Variants in OR9G1 observed in about 807,000 individuals in gnomAD.
The protein encoded by OR9G1 is olfactory receptor 9G1.
In OR9G1, 21 loss-of-function variants were observed where a neutral mutation model predicts 14.5. The ratio of observed to expected loss-of-function variants is 1.45; its 90% CI spans 1.03 to 2.09. The LOEUF is 2.09. Among genes scored for constraint, OR9G1 ranks in the 30% most tolerant of loss-of-function variants. OR9G1 has a pLI of 0.00. For synonymous variants in OR9G1, 179 were observed against 153.3 expected (o/e 1.17, Z -1.24); for missense variants, 476 against 364.2 (o/e 1.31, Z -2.50).
rs1186076100 is a variant in OR9G1, at chr11:56,703,809, C to G, written c.*2504C>G. 2 of 536 alleles carry G rather than the reference C, an allele frequency of 3.7e-3. No homozygotes were observed. The highest frequency in any genetic ancestry group is 0.011 in the Non-Finnish European group (2 of 188). The allele number at this position is 536 out of a possible 1,614,324, so 0.0% of individuals were successfully genotyped here. ...TGCCCATATATCCATATATTGTAAA[C>G]ATAGCTCGCTAAGTGCATATTCATA... On this transcript the variant is annotated 3_prime_UTR_variant, in exon 2 of 2. Coordinates refer to ENST00000642097, the MANE Select transcript of OR9G1 (RefSeq NM_001005213.2).
rs765551110 is a variant in OR9G1, at chr11:56,700,511, A to C, written c.124A>C (p.Ser42Arg). The C allele has an allele frequency of 1.9e-6, 3 of 1,614,318 alleles. No homozygotes were observed. In the East Asian group the frequency reaches 6.7e-5, roughly 36 times the overall value. ...GVYSLTVVGNSTLIVLICNDS... is the reference protein window; with the variant it reads ...GVYSLTVVGNRTLIVLICNDS... ...GTACTCTCTCACTGTGGTAGGAAAT[A>C]GCACCCTCATCGTGTTGATCTGTAA... The change falls in exon 2 of 2, where the codon AGC becomes CGC. Residue 42 changes from serine (S) to arginine (R), a missense_variant. Transcript: ENST00000642097.
chr11:56,700,418 T>A lies in OR9G1; in HGVS notation c.31T>A (p.Phe11Ile). 6 of 1,614,288 alleles carry A rather than the reference T, an allele frequency of 3.7e-6. No individual in the cohort carries two copies. The highest frequency in any genetic ancestry group is 5.1e-6 in the Non-Finnish European group (6 of 1,180,054). The change falls in exon 2 of 2, where the codon TTT (phenylalanine) becomes ATT (isoleucine). Residue 11 changes from phenylalanine to isoleucine, a missense_variant. Physicochemically the swap from Phe to Ile is conservative, Grantham distance 21. This residue lies in a region of OR9G1 where 89 missense variants were observed against 85.1 expected (regional missense o/e 1.05). Transcript: ENST00000642097. MQRSNHTVTE[F>I]ILLGFTTDPG... ...GAGGAGCAATCATACAGTGACTGAG[T>A]TTATACTGCTGGGCTTCACCACAGA... is the stretch of plus-strand genomic sequence containing the variant.
chr11:56,701,531 A>C lies in OR9G1; in HGVS notation c.*226A>C. 1.4e-6 allele frequency: 1 copy of C among 716,844 alleles called. No homozygotes were observed. The highest frequency in any genetic ancestry group is 2.1e-6 in the Non-Finnish European group (1 of 472,996). The allele number at this position is 716,844 out of a possible 1,614,324, so 44.4% of individuals were successfully genotyped here. A position where few individuals can be genotyped will look rare whatever the true frequency, so the allele number is the denominator to read the frequency against. On this transcript the variant is annotated 3_prime_UTR_variant, in exon 2 of 2. Transcript: ENST00000642097. ...TCTCTCTTATTAAAAACAAACATAA[A>C]CCTTAAGCCCAAAACCTCTCCTATA...
At chr11:56,700,305 T>G in intron 1 of OR9G1, 65 bp from the exon 2 acceptor site, 8 of 1,558,304 alleles carry the variant, frequency 5.1e-6, no homozygotes, top group Non-Finnish European at 6.9e-6. Flanking sequence ...AATGTGATCT[T>G]ATGTAACATA....
At position 56,701,294 on chromosome 11, in the gene OR9G1, C is replaced by T; in HGVS notation, c.907C>T (p.Leu303Phe). Residue 303 changes from leucine (L) to phenylalanine (F), a missense_variant, in exon 2 of 2, where the codon CTT (leucine) becomes TTT (phenylalanine). Around this residue, in one of 3 missense-constraint regions of OR9G1, gnomAD observed 352 missense variants for 211.6 expected, o/e 1.66. Coordinates refer to ENST00000642097, the MANE Select transcript of OR9G1 (RefSeq NM_001005213.2). The stretch of plus-strand genomic sequence containing the variant: ...GGATGTGAAAGAGGCTCTGAAAAAA[C>T]TTCTCCCATAAATCAAGATTATCTC... ...NKDVKEALKK[L>F]LP 1 of 1,603,724 alleles carries T rather than the reference C, an allele frequency of 6.2e-7. No homozygotes were observed. Among genetic ancestry groups the T allele is most frequent in the Non-Finnish European group, 8.5e-7 (1 of 1,177,006 alleles).
rs1204491356 is a variant in OR9G1 at position 56,702,208 on chromosome 11, T to C, written c.*903T>C. 6.6e-6 allele frequency: 1 copy of C among 152,428 alleles called. No homozygotes were observed. The highest frequency in any genetic ancestry group is 2.4e-5 in the African/African-American group (1 of 41,604). The allele number at this position is 152,428 out of a possible 1,614,324, so 9.4% of individuals were successfully genotyped here. On this transcript the variant is annotated 3_prime_UTR_variant, in exon 2 of 2. Transcript: ENST00000642097. ...ATGTCTTCTAGGTTTATTCACGTTG[T>C]TGTAGGTGACAGAATTACATTTCTT...
rs764526499 is a variant in OR9G1 at position 56,703,382 on chromosome 11, G to T, written c.*2077G>T. ...ACAGAGTCCAACAGTGTAATTCCAA[G>T]ATGCTCGTGTCAGCCGTTCTAAAAA... On this transcript the variant is annotated 3_prime_UTR_variant, in exon 2 of 2. Coordinates refer to ENST00000642097, the MANE Select transcript of OR9G1 (RefSeq NM_001005213.2). 1 of 152,304 alleles carries T rather than the reference G, an allele frequency of 6.6e-6. No homozygotes were observed. 9.4% of individuals were successfully genotyped at this position (152,304 alleles called of 1,614,324 possible). A position where few individuals can be genotyped will look rare whatever the true frequency, so the allele number is the denominator to read the frequency against.
In OR9G1 at chr11:56,700,867, G is replaced by A. The variant is rs761261058; in HGVS notation, c.480G>A (p.Lys160=). Residue 160 remains lysine (K), a synonymous_variant, in exon 2 of 2, where the codon AAG becomes AAA. Transcript: ENST00000642097. ...TTATTAACTCTTCAATCATCACCAA[G>A]AAAACGTTTTCCTTTAACTTCTGCC... ...GGFINSSIIT[K]KTFSFNFCRE... 1 of 1,614,252 alleles carries A rather than the reference G, an allele frequency of 6.2e-7. No individual in the cohort carries two copies. The highest frequency in any genetic ancestry group is 1.1e-5 in the South Asian group (1 of 91,090).
In OR9G1 at chr11:56,701,057, G is replaced by A. The variant is rs772249842; in HGVS notation, c.670G>A (p.Val224Ile). 5 of 1,614,316 alleles carry A rather than the reference G, an allele frequency of 3.1e-6. No homozygotes were observed. Among genetic ancestry groups the A allele is most frequent in the African/African-American group, 1.3e-5 (1 of 75,090 alleles). Reference sequence around the variant, plus strand: ...CTCCTACCTCTTTATCATCACCAGTGTCTTGAGGATCTCCTCCTCCAAGGG... The same window carrying A: ...CTCCTACCTCTTTATCATCACCAGTATCTTGAGGATCTCCTCCTCCAAGGG... ...LASYLFIITS[V>I]LRISSSKGYL... Residue 224 changes from valine (V) to isoleucine (I), a missense_variant, in exon 2 of 2, where the codon GTC (valine) becomes ATC (isoleucine). Coordinates refer to ENST00000642097, the MANE Select transcript of OR9G1 (RefSeq NM_001005213.2).
In OR9G1 at chr11:56,700,642, C is replaced by A; in HGVS notation, c.255C>A (p.Ile85=). The A allele has an allele frequency of 6.2e-7, 1 of 1,614,314 alleles. No individual in the cohort carries two copies. Among genetic ancestry groups the A allele is most frequent in the South Asian group, 1.1e-5 (1 of 91,092 alleles). The change falls in exon 2 of 2, where the codon ATC becomes ATA. Residue 85 remains isoleucine (I), a synonymous_variant. Coordinates refer to ENST00000642097, the MANE Select transcript of OR9G1 (RefSeq NM_001005213.2). ...CCCCAAAGATCCTAGTGACCTGCAT[C>A]TCTGAAGACAAAAGCATCTCCTTTG... is the stretch of plus-strand genomic sequence containing the variant. ...VYTPKILVTC[I]SEDKSISFAG...
chr11:56,703,692 A>G lies in OR9G1; in HGVS notation c.*2387A>G, dbSNP rs1177570590. ...GTATCATAAACCCTGACATGTAACT[A>G]TAGAAGAGAGTCTCAAACTACTTGA... On this transcript the variant is annotated 3_prime_UTR_variant, in exon 2 of 2. Transcript: ENST00000642097. 6.6e-6 allele frequency: 1 copy of G among 152,430 alleles called. No individual in the cohort carries two copies. The allele number at this position is 152,430 out of a possible 1,614,324, so 9.4% of individuals were successfully genotyped here. A position where few individuals can be genotyped will look rare whatever the true frequency, so the allele number is the denominator to read the frequency against.
At chr11:56,699,606 T>G (rs532029109) in intron 1 of OR9G1, among the ~76,000 whole-genome samples, 1 of 150,996 alleles carries the variant, frequency 6.6e-6, no homozygotes, top group African/African-American at 2.4e-5. Flanking sequence ...GCTAGATATA[T>G]TTTGCTCTAC....
chr11:56,701,236 G>A lies in OR9G1; in HGVS notation c.849G>A (p.Met283Ile). 3 of 1,614,268 alleles carry A rather than the reference G, an allele frequency of 1.9e-6. No homozygotes were observed. The highest frequency in any genetic ancestry group is 2.5e-6 in the Non-Finnish European group (3 of 1,180,046). The change falls in exon 2 of 2, where the codon ATG becomes ATA. Residue 283 changes from methionine to isoleucine, a missense_variant. Physicochemically the swap from Met to Ile is conservative, Grantham distance 10. Coordinates refer to ENST00000642097, the MANE Select transcript of OR9G1 (RefSeq NM_001005213.2). ...CATTTTACACTGTGGTATTCCCCATGTTGAATCTCATGATCTACAGCCTAA... is the reference window on the plus strand; with the variant it reads ...CATTTTACACTGTGGTATTCCCCATATTGAATCTCATGATCTACAGCCTAA... ...VSTFYTVVFP[M>I]LNLMIYSLRN...
chr11:56,700,255 A>T, intron 1 of OR9G1, 115 bp from the exon 2 acceptor site: 1 of 1,427,258 alleles, frequency 7.0e-7, no homozygotes, highest in Non-Finnish European at 9.2e-7. Flanking sequence ...TCTAAAACAA[A>T]CAATTAGATT....
In OR9G1 at chr11:56,702,342, T is replaced by C. The variant is rs1857656271; in HGVS notation, c.*1037T>C. On this transcript the variant is annotated 3_prime_UTR_variant, in exon 2 of 2. Transcript: ENST00000642097. ...TCTAATTGTTAGCTATTGTGAATAA[T>C]ACTGCAATGAACATGAAAGCACAGA... The C allele has an allele frequency of 6.6e-6, 1 of 152,296 alleles. No homozygotes were observed. The highest frequency in any genetic ancestry group is 6.5e-5 in the Admixed American group (1 of 15,294). 9.4% of individuals were successfully genotyped at this position (152,296 alleles called of 1,614,324 possible).
chr11:56,699,739 T>G (rs1857575821), intron 1 of OR9G1, among the ~76,000 whole-genome samples: 1 of 134,118 alleles, frequency 7.5e-6, no homozygotes, highest in African/African-American at 2.8e-5. Flanking sequence ...GGTGTTTCAA[T>G]TATTGTTATT....
rs910075762 is a variant in OR9G1 at position 56,703,025 on chromosome 11, T to C, written c.*1720T>C. The C allele has an allele frequency of 5.0e-5, 1 of 20,200 alleles. No individual in the cohort carries two copies. The highest frequency in any genetic ancestry group is 1.2e-4 in the Non-Finnish European group (1 of 8,104). The allele number at this position is 20,200 out of a possible 1,614,324, so 1.3% of individuals were successfully genotyped here. On this transcript the variant is annotated 3_prime_UTR_variant, in exon 2 of 2. Transcript: ENST00000642097. The stretch of plus-strand genomic sequence containing the variant: ...GAAGCATTGTCTTTTACCCCATACA[T>C]ATATAAAATTATGGTTTATCAATAT...
Position 56,699,150 on chromosome 11 carries a change from T to G in OR9G1, c.-59T>G, listed in dbSNP as rs892601798. 1 of 152,662 alleles carries G rather than the reference T, an allele frequency of 6.6e-6. No homozygotes were observed. The highest frequency in any genetic ancestry group is 2.4e-5 in the African/African-American group (1 of 41,494). 9.5% of individuals were successfully genotyped at this position (152,662 alleles called of 1,614,324 possible). On this transcript the variant is annotated 5_prime_UTR_variant, in exon 1 of 2. Coordinates refer to ENST00000642097, the MANE Select transcript of OR9G1 (RefSeq NM_001005213.2). ...AGTTCAAAAGTCTGTTCTGTAGCAC[T>G]GAGACACATGCAGCAAGAGAAGTAG...
At chr11:56,699,992 A>G (rs561201759) in intron 1 of OR9G1, among the ~76,000 whole-genome samples, 244 of 152,356 alleles carry the variant, frequency 1.6e-3, no homozygotes, top group Non-Finnish European at 3.0e-3. Context: ...TTCTTTTTAA[A>G]CTATATTTAA....
Sources: allele counts gnomAD v4.1 joint callset (sites outside exome capture counted in the v4.1 genomes callset), GRCh38; gene constraint gnomAD v4.1.1; regional missense constraint gnomAD v4.1.1; transcripts MANE v1.5; gene names NCBI Gene and HGNC (gene_info 2026-07-23, HGNC 2026-07-21).